Variants in INPP5F observed in about 807,000 individuals in gnomAD.
INPP5F encodes the protein inositol polyphosphate-5-phosphatase F, also known as phosphatidylinositide 4-phosphatase SAC2.
INPP5F carries 97 observed loss-of-function variants against 137.2 expected under a neutral mutation model. That is an observed-to-expected ratio of 0.71 (90% confidence interval 0.60 to 0.84). The LOEUF (loss-of-function observed/expected upper bound fraction) is 0.84. Among genes scored for constraint, INPP5F ranks in the 40% least tolerant of loss-of-function variants. INPP5F has a pLI of 0.00. For synonymous variants in INPP5F, 504 were observed against 476.9 expected (o/e 1.06, Z -0.74); for missense variants, 1,271 against 1,371.9 (o/e 0.93, Z 1.16).
chr10:119,811,914 G>T lies in INPP5F; in HGVS notation c.1845G>T (p.Glu615Asp), dbSNP rs765899902. 120 of 1,614,092 alleles carry T rather than the reference G, an allele frequency of 7.4e-5. No homozygotes were observed. Among genetic ancestry groups the T allele is most frequent in the Middle Eastern group, 1.6e-4 (1 of 6,084 alleles). Residue 615 changes from glutamate to aspartate, a missense_variant, in exon 15 of 20, where the codon GAG becomes GAT. Glu to Asp is a conservative substitution (Grantham distance 45). Around this residue, in one of 6 missense-constraint regions of INPP5F, gnomAD observed 593 missense variants for 712.4 expected, o/e 0.83. Coordinates refer to ENST00000650623, the MANE Select transcript of INPP5F (RefSeq NM_014937.4). ...TGAAGTTACTACTGCCTGATGATGA[G>T]AAGTTCCATGGGGGCTGGGCCCTCA... ...SYMKLLLPDD[E>D]KFHGGWALID...
At chr10:119,795,410 C>T (rs1308465551) in intron 6 of INPP5F, among the ~76,000 whole-genome samples, 23 of 150,062 alleles carry the variant, frequency 1.5e-4, no homozygotes, top group African/African-American at 4.7e-4. Flanking sequence ...ATGGGGCGGC[C>T]GGGCAGAGAC....
chr10:119,808,084 G>C (rs1850864798), intron 13 of INPP5F, 24 bp downstream of exon 13: 1 of 1,604,982 alleles, frequency 6.2e-7, no homozygotes, highest in Non-Finnish European at 8.5e-7. Context: ...GGAAGCATCT[G>C]TGGGTCATTA....
At chr10:119,750,002 C>T (rs149110761) in intron 1 of INPP5F, among the ~76,000 whole-genome samples, 8 of 152,208 alleles carry the variant, frequency 5.3e-5, no homozygotes, top group Non-Finnish European at 1.0e-4. Flanking sequence ...CTCCTGACCT[C>T]AGGCGATCTA....
At chr10:119,786,207 T>C (rs1309381699) in intron 3 of INPP5F, among the ~76,000 whole-genome samples, 1 of 152,226 alleles carries the variant, frequency 6.6e-6, no homozygotes, top group Non-Finnish European at 1.5e-5. Context: ...ATTTAAAAAC[T>C]AGGGAAGTGC....
chr10:119,729,578 C>CT (rs10716310), intron 1 of INPP5F, among the ~76,000 whole-genome samples: 103 of 142,518 alleles, frequency 7.2e-4, no homozygotes, highest in Non-Finnish European at 1.0e-3. Flanking sequence ...ATCTCATTAT[C>CT]TTTTTTTTTT....
intron 1 of INPP5F, among the ~76,000 whole-genome samples, chr10:119,742,219 G>T (rs1940032180): frequency 6.6e-6 from 1 of 151,230 alleles, no homozygotes; most frequent in African/African-American, 2.4e-5. Flanking sequence ...GCAGTGGCGC[G>T]ATCTCAGCTC....
At chr10:119,796,216 A>G (rs1041599107) in intron 6 of INPP5F, among the ~76,000 whole-genome samples, 1 of 151,602 alleles carries the variant, frequency 6.6e-6, no homozygotes, top group African/African-American at 2.4e-5. Flanking sequence ...TTTTTTTTCT[A>G]AGCCAGAAAA....
chr10:119,744,189 TC>T (rs149445372), intron 1 of INPP5F, among the ~76,000 whole-genome samples: 5 of 152,018 alleles, frequency 3.3e-5, no homozygotes, highest in Non-Finnish European at 7.4e-5. Context: ...ATGGATTGAC[TC>T]CCCCCCTTTT....
At chr10:119,740,613 G>T (rs1564801560) in intron 1 of INPP5F, among the ~76,000 whole-genome samples, 2 of 152,098 alleles carry the variant, frequency 1.3e-5, no homozygotes, top group Non-Finnish European at 1.5e-5. Context: ...TGCCATCTTG[G>T]CTCACTGCAA....
At chr10:119,765,399 T>C (rs1269940439) in intron 2 of INPP5F, among the ~76,000 whole-genome samples, 1 of 152,058 alleles carries the variant, frequency 6.6e-6, no homozygotes, top group African/African-American at 2.4e-5. Flanking sequence ...TGAGACAGGG[T>C]CTTGCTTTGT....
rs775069827 is a variant in INPP5F at position 119,822,433 on chromosome 10, A to G, written c.1961A>G (p.Tyr654Cys). The change falls in exon 17 of 20, where the codon TAT becomes TGT. Residue 654 changes from tyrosine to cysteine, a missense_variant and splice_region_variant. Physicochemically the swap from Tyr to Cys is radical, Grantham distance 194 (BLOSUM62 -2). This residue lies in a region of INPP5F where 593 missense variants were observed against 712.4 expected (regional missense o/e 0.83). Transcript: ENST00000650623. The part of the protein sequence containing the change: ...LSNSAYYVAY[Y>C]DDEVDKVNQY... ...TAACTTCATTTCCTTTTATCTAGTT[A>G]TGATGATGAAGTTGATAAAGTAAAC... The G allele has an allele frequency of 3.4e-6, 5 of 1,484,660 alleles. No homozygotes were observed. Among genetic ancestry groups the G allele is most frequent in the Non-Finnish European group, 4.6e-6 (5 of 1,083,842 alleles). The allele number at this position is 1,484,660 out of a possible 1,614,324, so 92.0% of individuals were successfully genotyped here.
chr10:119,761,055 A>G (rs917748384), intron 2 of INPP5F, among the ~76,000 whole-genome samples: 2 of 152,172 alleles, frequency 1.3e-5, no homozygotes, highest in African/African-American at 2.4e-5. Context: ...AGTCTTTTCT[A>G]TTTCTTATAG....
At chr10:119,768,276 C>T (rs1201463846) in intron 2 of INPP5F, 1 of 152,068 alleles carries the variant, frequency 6.6e-6, no homozygotes, top group Non-Finnish European at 1.5e-5. Context: ...ACCTGTAGTC[C>T]CAGCTAGTAG....
At chr10:119,824,508 C>T (rs1228168625) in intron 19 of INPP5F, among the ~76,000 whole-genome samples, 1 of 152,084 alleles carries the variant, frequency 6.6e-6, no homozygotes, top group African/African-American at 2.4e-5. Context: ...TTCTTAGTGC[C>T]TCGTGCTGTG....
At chr10:119,804,596 TG>T (rs1850701832) in intron 10 of INPP5F, among the ~76,000 whole-genome samples, 1 of 152,048 alleles carries the variant, frequency 6.6e-6, no homozygotes, top group Non-Finnish European at 1.5e-5. Context: ...CCTTTCTGCT[TG>T]GGTCTGAGCC....
intron 2 of INPP5F, among the ~76,000 whole-genome samples, chr10:119,763,590 C>T (rs1182838222): frequency 6.6e-6 from 1 of 152,196 alleles, no homozygotes; most frequent in African/African-American, 2.4e-5. Flanking sequence ...GGCTGTTCTC[C>T]TGCTGAAGTG....
intron 3 of INPP5F, among the ~76,000 whole-genome samples, chr10:119,789,033 C>T (rs948552339): frequency 4.6e-5 from 7 of 152,112 alleles, no homozygotes; most frequent in Non-Finnish European, 7.4e-5. Flanking sequence ...CGAGACCAGC[C>T]TGACCAACAT....
intron 3 of INPP5F, among the ~76,000 whole-genome samples, chr10:119,791,230 C>G (rs929639201): frequency 6.6e-6 from 1 of 152,240 alleles, no homozygotes; most frequent in Non-Finnish European, 1.5e-5. Context: ...GAACATTTCA[C>G]TCTTCAGTTA....
At chr10:119,768,296 G>A (rs1849234707) in intron 2 of INPP5F, 3 of 152,188 alleles carry the variant, frequency 2.0e-5, no homozygotes, top group Admixed American at 2.0e-4. Context: ...GAGGTCTAAG[G>A]TGGATCACTT....
Sources: gnomAD v4.1 joint callset for allele counts (sites outside exome capture counted in the v4.1 genomes callset) on GRCh38, gnomAD v4.1.1 for gene constraint, gnomAD v4.1.1 regional missense constraint, MANE v1.5 for transcripts, NCBI Gene and HGNC (gene_info 2026-07-23, HGNC 2026-07-21) for gene names.